The following DLG1 variants were observed in gnomAD, a reference collection of about 807,000 sequenced individuals.
DLG1 encodes discs large MAGUK scaffold protein 1.
DLG1 carries 42 observed loss-of-function variants against 123.4 expected under a neutral mutation model. The observed-to-expected ratio is 0.34, with a 90% CI of 0.27 to 0.44. The LOEUF (loss-of-function observed/expected upper bound fraction) is 0.44. Ranked by LOEUF, DLG1 falls within the 20% of genes least tolerant of loss-of-function variation. The pLI, the probability that DLG1 is intolerant of heterozygous loss-of-function variation, is 1.00. For missense variants in DLG1, 942 were observed against 1,082.6 expected, an observed-to-expected ratio of 0.87 and a Z score of 1.82; for synonymous variants, 317 against 356.2, an observed-to-expected ratio of 0.89 and a Z score of 1.24.
At chr3:197,185,877 T>C (rs1056666478) in intron 5 of DLG1, among the ~76,000 whole-genome samples, 9 of 152,150 alleles carry the variant, frequency 5.9e-5, no homozygotes, top group African/African-American at 9.7e-5. Flanking sequence ...GAGCATCTAT[T>C]TATCCTACAG....
intron 5 of DLG1, among the ~76,000 whole-genome samples, chr3:197,185,154 A>AT (rs1315031935): frequency 3.3e-5 from 5 of 152,226 alleles, no homozygotes; most frequent in African/African-American, 9.6e-5. Flanking sequence ...GAATAATCTA[A>AT]TTTTTAAGCT....
At chr3:197,225,077 C>T (rs989146920) in intron 4 of DLG1, among the ~76,000 whole-genome samples, 1 of 152,166 alleles carries the variant, frequency 6.6e-6, no homozygotes, top group East Asian at 1.9e-4. Flanking sequence ...CTGCCTCAGC[C>T]CCCCAAGTAG....
At chr3:197,279,470 A>T (rs1302074487) in intron 4 of DLG1, among the ~76,000 whole-genome samples, 1 of 152,186 alleles carries the variant, frequency 6.6e-6, no homozygotes, top group African/African-American at 2.4e-5. Flanking sequence ...GAGTCTATTC[A>T]TGAATATGAA....
intron 4 of DLG1, among the ~76,000 whole-genome samples, chr3:197,232,885 C>A (rs1238541877): frequency 6.6e-6 from 1 of 152,008 alleles, no homozygotes; most frequent in African/African-American, 2.4e-5. Flanking sequence ...CTACATTTAA[C>A]ACCATAATTA....
intron 4 of DLG1, among the ~76,000 whole-genome samples, chr3:197,256,494 C>G (rs186353558): frequency 6.6e-6 from 1 of 152,390 alleles, no homozygotes; most frequent in Non-Finnish European, 1.5e-5. Flanking sequence ...AATCCCTCCA[C>G]TCACGGTGAA....
At chr3:197,053,049 G>A (rs1309685216) in intron 23 of DLG1, among the ~76,000 whole-genome samples, 1 of 152,224 alleles carries the variant, frequency 6.6e-6, no homozygotes, top group Non-Finnish European at 1.5e-5. Flanking sequence ...TGATAGGAAT[G>A]TCTGAGACTT....
intron 4 of DLG1, among the ~76,000 whole-genome samples, chr3:197,263,958 A>G (rs1760629132): frequency 1.3e-5 from 2 of 152,186 alleles, no homozygotes; most frequent in Admixed American, 1.3e-4. Flanking sequence ...CAATCCTGAA[A>G]ATTAGACATT....
intron 4 of DLG1, among the ~76,000 whole-genome samples, chr3:197,212,728 A>G (rs1264977703): frequency 1.3e-5 from 2 of 152,228 alleles, no homozygotes; most frequent in Non-Finnish European, 2.9e-5. Flanking sequence ...TAAAGACCTT[A>G]TCTCCAAATA....
intron 4 of DLG1, among the ~76,000 whole-genome samples, chr3:197,196,692 T>C (rs144308121): frequency 1.1e-3 from 166 of 152,252 alleles, no homozygotes; most frequent in Middle Eastern, 3.4e-3. Flanking sequence ...ACACCCATCG[T>C]AGGAAATTCT....
chr3:197,212,722 G>T (rs1731908050), intron 4 of DLG1, among the ~76,000 whole-genome samples: 2 of 152,186 alleles, frequency 1.3e-5, no homozygotes, highest in Non-Finnish European at 2.9e-5. Context: ...TCTCTGTAAA[G>T]ACCTTATCTC....
intron 15 of DLG1, 63 bp from the exon 16 acceptor site, chr3:197,085,819 G>A (rs1754012661): frequency 2.0e-6 from 3 of 1,466,798 alleles, no homozygotes; most frequent in East Asian, 2.3e-5. Context: ...ATATCATAGG[G>A]TTCTGAAAGT....
intron 4 of DLG1, among the ~76,000 whole-genome samples, chr3:197,207,093 G>C (rs867349050): frequency 6.6e-6 from 1 of 152,202 alleles, no homozygotes; most frequent in Admixed American, 6.5e-5. Context: ...TGCGGTGGCG[G>C]AGCTGGGAAG....
At chr3:197,131,351 A>T (rs1782340399) in intron 10 of DLG1, among the ~76,000 whole-genome samples, 1 of 152,184 alleles carries the variant, frequency 6.6e-6, no homozygotes, top group Non-Finnish European at 1.5e-5. Context: ...TGCATCTTTT[A>T]ATTTATACAT....
chr3:197,296,725 A>C, intron 2 of DLG1: 3 of 416,820 alleles, frequency 7.2e-6, no homozygotes, highest in Non-Finnish European at 1.3e-5. Context: ...GTTTGGAATA[A>C]ATGTGTACTG....
intron 19 of DLG1, among the ~76,000 whole-genome samples, chr3:197,067,609 G>T (rs1236813397): frequency 9.3e-5 from 13 of 140,362 alleles, no homozygotes; most frequent in Non-Finnish European, 1.7e-4. Flanking sequence ...CTAGTCTGGA[G>T]TGCAATGGCA....
At chr3:197,069,290 A>T (rs753735426) in intron 18 of DLG1, 30 bp from the exon 19 acceptor site, 5 of 1,523,016 alleles carry the variant, frequency 3.3e-6, no homozygotes, top group Non-Finnish European at 4.5e-6. Flanking sequence ...AAAAAAAATA[A>T]AACAGTGTCA....
At chr3:197,152,669 A>C (rs947806144) in intron 5 of DLG1, among the ~76,000 whole-genome samples, 2 of 147,986 alleles carry the variant, frequency 1.4e-5, no homozygotes, top group South Asian at 4.3e-4. Flanking sequence ...AGGCTGAGGC[A>C]GGAGAATGGT....
intron 4 of DLG1, among the ~76,000 whole-genome samples, chr3:197,214,042 T>TAC (rs1732700245): frequency 6.6e-6 from 1 of 152,180 alleles, no homozygotes; most frequent in Admixed American, 6.5e-5. Flanking sequence ...CCACTGAGTC[T>TAC]ACAATACAAC....
chr3:197,236,838 G>T (rs1746230215), intron 4 of DLG1, among the ~76,000 whole-genome samples: 1 of 152,214 alleles, frequency 6.6e-6, no homozygotes, highest in African/African-American at 2.4e-5. Context: ...TTTTATTCAA[G>T]AATATTCATC....
Sources: gnomAD v4.1 joint callset for allele counts (sites outside exome capture counted in the v4.1 genomes callset) on GRCh38, gnomAD v4.1.1 for gene constraint, MANE v1.5 for transcripts, NCBI Gene and HGNC (gene_info 2026-07-23, HGNC 2026-07-21) for gene names.